RBFOX3: variants seen among roughly 807,000 people sequenced by gnomAD.
The protein encoded by RBFOX3 is RNA binding fox-1 homolog 3.
A neutral mutation model predicts 48.7 loss-of-function variants in RBFOX3; 17 were observed. The ratio of observed to expected loss-of-function variants is 0.35; its 90% confidence interval spans 0.24 to 0.52. The LOEUF (loss-of-function observed/expected upper bound fraction) is 0.52. Among genes scored for constraint, RBFOX3 ranks in the 20% least tolerant of loss-of-function variants. The probability of loss-of-function intolerance (pLI) is 0.94; values close to 1 mark genes in which losing one functional copy is unlikely to be tolerated. For missense variants in RBFOX3, 382 were observed against 497.5 expected, an observed-to-expected ratio of 0.77 and a Z score of 2.21; for synonymous variants, 212 against 209.5, an observed-to-expected ratio of 1.01 and a Z score of -0.10.
chr17:79,236,734 C>CG (rs1380163214), intron 3 of RBFOX3, among the ~76,000 whole-genome samples: 1 of 152,106 alleles, frequency 6.6e-6, no homozygotes, highest in Non-Finnish European at 1.5e-5. Context: ...ATCCAGGGCC[C>CG]GGGGCCAGGG....
At chr17:79,138,876 A>G (rs1339346646) in intron 4 of RBFOX3, among the ~76,000 whole-genome samples, 2 of 83,920 alleles carry the variant, frequency 2.4e-5, no homozygotes, top group Admixed American at 1.6e-4. Flanking sequence ...TCTCACCCAC[A>G]CACGCAGGCA....
At chr17:79,414,361 C>T (rs942986973) in intron 2 of RBFOX3, among the ~76,000 whole-genome samples, 1 of 152,214 alleles carries the variant, frequency 6.6e-6, no homozygotes, top group Non-Finnish European at 1.5e-5. Context: ...CTTCACACCA[C>T]ATTATTATTA....
At chr17:79,163,226 C>G (rs2047322055) in intron 4 of RBFOX3, among the ~76,000 whole-genome samples, 1 of 152,222 alleles carries the variant, frequency 6.6e-6, no homozygotes, top group Non-Finnish European at 1.5e-5. Flanking sequence ...TGGGGCCGGG[C>G]AGCACACTCG....
chr17:79,596,714 G>C (rs2093579041), intron 1 of RBFOX3, among the ~76,000 whole-genome samples: 1 of 137,726 alleles, frequency 7.3e-6, no homozygotes, highest in Non-Finnish European at 1.5e-5. Context: ...ACGGGAGATG[G>C]AGCTGCAGAC....
Position 79,240,343 on chromosome 17 carries a change from T to A in RBFOX3, c.-73-4538A>T, listed in dbSNP as rs2062178104. On this transcript the variant is annotated intron_variant, in intron 3 of 14. Coordinates refer to ENST00000693108, the MANE Select transcript of RBFOX3 (RefSeq NM_001350451.2). ...GACCACTCCCACTCATTGGTGGCCC[T>A]TCAGCTTAGCTGTCACACATACATC... Among the ~76,000 whole-genome samples the A allele has an allele frequency of 2.6e-5, 4 of 152,346 alleles. No individual in the cohort carries two copies. The South Asian group carries it at 8.3e-4, about 32-fold the overall frequency.
At chr17:79,439,632 C>A (rs1004730824) in intron 2 of RBFOX3, among the ~76,000 whole-genome samples, 13 of 152,352 alleles carry the variant, frequency 8.5e-5, no homozygotes, top group African/African-American at 3.1e-4. Context: ...TCAGCTCACA[C>A]GCACACTGCA....
intron 2 of RBFOX3, among the ~76,000 whole-genome samples, chr17:79,466,995 A>C (rs1380381762): frequency 6.6e-6 from 1 of 152,350 alleles, no homozygotes; most frequent in East Asian, 1.9e-4. Context: ...AACCAGGTAC[A>C]GGCTTCCTCT....
chr17:79,331,221 G>T (rs771599583), intron 2 of RBFOX3, among the ~76,000 whole-genome samples: 1 of 152,030 alleles, frequency 6.6e-6, no homozygotes, highest in Non-Finnish European at 1.5e-5. Context: ...CTGTCCCTTC[G>T]GCCACCATCT....
chr17:79,654,686 A>C, the RBFOX3 span, among the ~76,000 whole-genome samples: 2 of 152,220 alleles, frequency 1.3e-5, no homozygotes, highest in Non-Finnish European at 2.9e-5. Context: ...CAGGTAGCAG[A>C]ATTTTGTCCT....
chr17:79,273,568 TGGGGGGGGCGG>T (rs2068132765), intron 3 of RBFOX3, among the ~76,000 whole-genome samples: 2 of 65,418 alleles, frequency 3.1e-5, no homozygotes, highest in Admixed American at 2.5e-4. Context: ...AACAGTGCTC[TGGGGGGGGCGG>T]GGGCGGGGTG....
At chr17:79,094,039 A>G (rs2074613240) in intron 14 of RBFOX3, among the ~76,000 whole-genome samples, 1 of 151,722 alleles carries the variant, frequency 6.6e-6, no homozygotes, top group Non-Finnish European at 1.5e-5. Flanking sequence ...GGCCGTGGGT[A>G]TGCGGTGTGG....
At chr17:79,472,848 C>T (rs1168960373) in intron 2 of RBFOX3, among the ~76,000 whole-genome samples, 2 of 152,208 alleles carry the variant, frequency 1.3e-5, no homozygotes, top group African/African-American at 4.8e-5. Flanking sequence ...CTTCTCAAAC[C>T]ATCTGTGGTG....
chr17:79,150,402 C>T (rs2044160597), intron 4 of RBFOX3, among the ~76,000 whole-genome samples: 1 of 152,042 alleles, frequency 6.6e-6, no homozygotes, highest in Non-Finnish European at 1.5e-5. Flanking sequence ...GGCCAACCCC[C>T]TAACTCAGCT....
intron 1 of RBFOX3, among the ~76,000 whole-genome samples, chr17:79,570,446 T>C (rs1203730870): frequency 6.6e-6 from 1 of 152,050 alleles, no homozygotes; most frequent in African/African-American, 2.4e-5. Context: ...AGATGGATAA[T>C]ATATGGAGGA....
At chr17:79,367,113 T>C (rs1271378817) in intron 2 of RBFOX3, among the ~76,000 whole-genome samples, 1 of 152,168 alleles carries the variant, frequency 6.6e-6, no homozygotes, top group African/African-American at 2.4e-5. Flanking sequence ...ACATGAGTGC[T>C]GACCCCAGGC....
chr17:79,091,857 G>T, intron 14 of RBFOX3: 2 of 687,068 alleles, frequency 2.9e-6, no homozygotes, highest in South Asian at 6.5e-5. Flanking sequence ...TCCACTTTCT[G>T]CTGCAGCAGT....
intron 3 of RBFOX3, among the ~76,000 whole-genome samples, chr17:79,297,532 C>T (rs543313327): frequency 1.3e-5 from 2 of 152,248 alleles, no homozygotes; most frequent in Non-Finnish European, 2.9e-5. Flanking sequence ...AGGCTGGGCT[C>T]TGGCCTCCAG....
At chr17:79,157,125 G>A (rs911015537) in intron 4 of RBFOX3, among the ~76,000 whole-genome samples, 2 of 152,134 alleles carry the variant, frequency 1.3e-5, no homozygotes, top group Non-Finnish European at 2.9e-5. Flanking sequence ...AAACCCCTCC[G>A]GTGTCCTCGT....
At chr17:79,648,547 A>G in the RBFOX3 span, among the ~76,000 whole-genome samples, 1 of 152,224 alleles carries the variant, frequency 6.6e-6, no homozygotes, top group African/African-American at 2.4e-5. Context: ...GCAAACAGCA[A>G]GTACTCCACG....
Sources: allele counts gnomAD v4.1 joint callset (sites outside exome capture counted in the v4.1 genomes callset), GRCh38; gene constraint gnomAD v4.1.1; transcripts MANE v1.5; gene names NCBI Gene and HGNC (gene_info 2026-07-23, HGNC 2026-07-21).